Variants in GNG4 observed in about 807,000 individuals in gnomAD.
GNG4 encodes the protein guanine nucleotide-binding protein G(I)/G(S)/G(O) subunit gamma-4.
In GNG4, 4 loss-of-function variants were observed where a neutral mutation model predicts 5.8. The ratio of observed to expected loss-of-function variants is 0.69; its 90% CI spans 0.34 to 1.57. The LOEUF (loss-of-function observed/expected upper bound fraction) is 1.57. GNG4 is among the 40% of genes most tolerant of loss of function. GNG4 has a pLI of 0.06. For missense variants in GNG4, 96 were observed against 95.1 expected, an observed-to-expected ratio of 1.01 and a Z score of -0.04; for synonymous variants, 29 against 32.9, an observed-to-expected ratio of 0.88 and a Z score of 0.41.
At chr1:235,574,853 CT>C (rs1309442241) in intron 3 of GNG4, among the ~76,000 whole-genome samples, 3 of 152,070 alleles carry the variant, frequency 2.0e-5, no homozygotes, top group African/African-American at 7.2e-5. Flanking sequence ...GAGATGGAGT[CT>C]CCCGCTGTTG....
chr1:235,626,958 CAAAAAAAAAAAAAAAAAAAAAA>C (rs776506587), intron 1 of GNG4, among the ~76,000 whole-genome samples: 65 of 77,392 alleles, frequency 8.4e-4, no homozygotes, highest in Admixed American at 1.7e-3. Flanking sequence ...GACTCTATCT[CAAAAAAAAAAAAAAAAAAAAAA>C]AAAAAAAAAA....
At chr1:235,624,663 G>T (rs756545367) in intron 1 of GNG4, among the ~76,000 whole-genome samples, 1 of 152,110 alleles carries the variant, frequency 6.6e-6, no homozygotes, top group Non-Finnish European at 1.5e-5. Flanking sequence ...GGATGTCTTT[G>T]TTCCAGAGTA....
intron 3 of GNG4, among the ~76,000 whole-genome samples, chr1:235,556,692 G>A (rs1027379617): frequency 6.6e-6 from 1 of 151,964 alleles, no homozygotes; most frequent in Non-Finnish European, 1.5e-5. Flanking sequence ...GGGGTGGGGG[G>A]ATGGTTTCAG....
chr1:235,627,593 T>G (rs756454473), intron 1 of GNG4, among the ~76,000 whole-genome samples: 2 of 152,142 alleles, frequency 1.3e-5, no homozygotes, highest in African/African-American at 4.8e-5. Flanking sequence ...CACAGGGGGC[T>G]GTGAGGAAGT....
chr1:235,631,803 G>C (rs569903087), intron 1 of GNG4, among the ~76,000 whole-genome samples: 1 of 152,176 alleles, frequency 6.6e-6, no homozygotes, highest in Admixed American at 6.5e-5. Context: ...CCTGACCTCA[G>C]GTGATCCACC....
chr1:235,600,359 C>T (rs910321829), intron 1 of GNG4, among the ~76,000 whole-genome samples: 1 of 151,964 alleles, frequency 6.6e-6, no homozygotes, highest in Admixed American at 6.6e-5. Flanking sequence ...AAGTGATCTG[C>T]CCACCTTGGC....
chr1:235,612,446 C>G (rs969885293), intron 1 of GNG4, among the ~76,000 whole-genome samples: 5 of 152,158 alleles, frequency 3.3e-5, no homozygotes, highest in Non-Finnish European at 7.4e-5. Context: ...ATGCGCACCA[C>G]AGGGCAGTAT....
chr1:235,632,863 C>G (rs1260837827), intron 1 of GNG4, among the ~76,000 whole-genome samples: 1 of 152,124 alleles, frequency 6.6e-6, no homozygotes, highest in Non-Finnish European at 1.5e-5. Flanking sequence ...AGTTTTCATT[C>G]TAGATTAGAA....
At chr1:235,554,348 G>A (rs1237730870) in intron 3 of GNG4, among the ~76,000 whole-genome samples, 4 of 152,154 alleles carry the variant, frequency 2.6e-5, no homozygotes, top group Admixed American at 2.6e-4. Context: ...TCTCCCTCAT[G>A]GCCACCATGT....
intron 1 of GNG4, among the ~76,000 whole-genome samples, chr1:235,611,647 T>A (rs977149485): frequency 2.0e-5 from 3 of 152,198 alleles, no homozygotes; most frequent in African/African-American, 7.2e-5. Context: ...GGGTTGTTTT[T>A]TAGCATATTT....
At position 235,649,335 on chromosome 1, in the gene GNG4, G is replaced by C. The variant is rs972986260; in HGVS notation, c.-123+327C>G. Among the ~76,000 whole-genome samples, 2 of 152,208 alleles carry C rather than the reference G, an allele frequency of 1.3e-5. No individual in the cohort carries two copies. Among genetic ancestry groups the C allele is most frequent in the Non-Finnish European group, 2.9e-5 (2 of 68,030 alleles). ...CGCTCTGTGACCTACAAATGGAAGA[G>C]GGGACCCCCGAGCCCCCGCCTGCCT... On this transcript the variant is annotated intron_variant, in intron 1 of 3. Coordinates refer to ENST00000391854, the MANE Select transcript of GNG4 (RefSeq NM_001098722.2). This position sits in a 1 kb window ranked among gnomAD's most constrained non-coding sequence, Gnocchi z 5.7.
rs78586369 is a variant in GNG4 at position 235,552,417 on chromosome 1, G to A, written c.100-180C>T. Among the ~76,000 whole-genome samples the A allele has an allele frequency of 4.6e-5, 7 of 152,238 alleles. No individual in the cohort carries two copies. The East Asian group carries it at 1.2e-3, about 25-fold the overall frequency. On this transcript the variant is annotated intron_variant, in intron 3 of 3. Transcript: ENST00000391854. ...TTGTGCAGATCTAGGAGACTGGTTC[G>A]AAGCGGGCCTCCAAGAAGGGGAGGC... is the stretch of plus-strand genomic sequence containing the variant.
At chr1:235,555,165 A>G (rs1686866725) in intron 3 of GNG4, among the ~76,000 whole-genome samples, 1 of 152,124 alleles carries the variant, frequency 6.6e-6, no homozygotes, top group Admixed American at 6.5e-5. Context: ...GCCACTGTGG[A>G]TCCATGATGA....
In GNG4 at chr1:235,552,174, T is replaced by C; in HGVS notation, c.163A>G (p.Ile55Val). The C allele has an allele frequency of 6.2e-7, 1 of 1,613,476 alleles. No individual in the cohort carries two copies. The highest frequency in any genetic ancestry group is 8.5e-7 in the Non-Finnish European group (1 of 1,179,408). ...TTTTCTGATGCAGGCACTGGAATGA[T>C]GAGAGGATCTTCCCGCACGTGAGCT... ...CEAHVREDPL[I>V]IPVPASENPF... Residue 55 changes from isoleucine to valine, a missense_variant, in exon 4 of 4, where the codon ATC becomes GTC. Ile to Val is a conservative substitution (Grantham distance 29). Transcript: ENST00000391854.
intron 2 of GNG4, among the ~76,000 whole-genome samples, chr1:235,584,885 T>G (rs2102942827): frequency 6.6e-6 from 1 of 152,328 alleles, no homozygotes; most frequent in East Asian, 1.9e-4. Context: ...CAGTTTTAGG[T>G]TTTTTTCCCA....
chr1:235,605,214 G>A (rs539435841), intron 1 of GNG4, among the ~76,000 whole-genome samples: 20 of 148,134 alleles, frequency 1.4e-4, no homozygotes, highest in African/African-American at 4.6e-4. Flanking sequence ...TTTTTTAAAT[G>A]GAGTCTCACT....
intron 3 of GNG4, among the ~76,000 whole-genome samples, chr1:235,553,866 G>T (rs1465634607): frequency 6.6e-6 from 1 of 152,160 alleles, no homozygotes; most frequent in Non-Finnish European, 1.5e-5. Flanking sequence ...GTAAAATTCA[G>T]GAGCGTTGGA....
At chr1:235,556,928 G>A (rs576027736) in intron 3 of GNG4, among the ~76,000 whole-genome samples, 9 of 151,812 alleles carry the variant, frequency 5.9e-5, no homozygotes, top group African/African-American at 1.5e-4. Flanking sequence ...TCCCTCACAC[G>A]CGCAGTTCAC....
At chr1:235,633,155 A>C (rs910982815) in intron 1 of GNG4, among the ~76,000 whole-genome samples, 5 of 152,220 alleles carry the variant, frequency 3.3e-5, no homozygotes, top group Admixed American at 6.5e-5. Context: ...AACGATGTAG[A>C]GTCTGACGCA....
Sources: allele counts gnomAD v4.1 joint callset (sites outside exome capture counted in the v4.1 genomes callset), GRCh38; gene constraint gnomAD v4.1.1; non-coding constraint Gnocchi (gnomAD v3.1); transcripts MANE v1.5; gene names NCBI Gene and HGNC (gene_info 2026-07-23, HGNC 2026-07-21).